The following ATP10B variants were observed in gnomAD, a reference collection of about 807,000 sequenced individuals.
ATP10B encodes the protein phospholipid-transporting ATPase VB.
A neutral mutation model predicts 141.2 loss-of-function variants in ATP10B; 122 were observed. The ratio of observed to expected loss-of-function variants is 0.86; its 90% CI spans 0.75 to 1.00. The LOEUF (loss-of-function observed/expected upper bound fraction) is 1.00, where lower values mean the gene tolerates loss of function less well. Among genes scored for constraint, ATP10B ranks in the 50% least tolerant of loss-of-function variants. ATP10B has a pLI of 0.00. For synonymous variants in ATP10B, 685 were observed against 692.0 expected, an observed-to-expected ratio of 0.99 and a Z score of 0.16; for missense variants, 1,876 against 1,825.3, an observed-to-expected ratio of 1.03 and a Z score of -0.51.
rs1294089207 is a variant in ATP10B, at chr5:160,822,989, CATATATATATACATATATATATAT to C, written c.-576+28928_-576+28951del. ...TGACTATAGTAAAAAATTACATATA[CATATATATATACATATATATATAT>C]ATATATATATATATATATATATAAA... On this transcript the variant is annotated intron_variant, in intron 1 of 25. Coordinates refer to ENST00000327245, the MANE Select transcript of ATP10B (RefSeq NM_025153.3). 4.5e-3 allele frequency among the ~76,000 whole-genome samples: 312 copies of C among 69,710 alleles called. 12 individuals are homozygous for C. Among genetic ancestry groups the C allele is most frequent in the South Asian group, 0.026 (58 of 2,230 alleles). 45.7% of individuals were successfully genotyped at this position (69,710 alleles called of 152,430 possible).
chr5:160,866,622 T>C, the ATP10B span, among the ~76,000 whole-genome samples: 7 of 152,066 alleles, frequency 4.6e-5, no homozygotes, highest in Non-Finnish European at 5.9e-5. Context: ...TGCAGTAAGC[T>C]GAGATCACAC....
chr5:160,631,152 T>G (rs1758907843), intron 13 of ATP10B, among the ~76,000 whole-genome samples: 1 of 152,202 alleles, frequency 6.6e-6, no homozygotes, highest in Non-Finnish European at 1.5e-5. Flanking sequence ...ATGGTAGCCC[T>G]TTGGGTCCCA....
At chr5:160,635,937 G>A (rs1196688956) in intron 11 of ATP10B, among the ~76,000 whole-genome samples, 1 of 152,144 alleles carries the variant, frequency 6.6e-6, no homozygotes, top group African/African-American at 2.4e-5. Context: ...AAATAGAAAA[G>A]CTAATAAATA....
At chr5:160,681,488 A>C (rs972131928) in intron 6 of ATP10B, among the ~76,000 whole-genome samples, 4 of 152,146 alleles carry the variant, frequency 2.6e-5, no homozygotes, top group African/African-American at 9.7e-5. Flanking sequence ...GATGAACTTC[A>C]AAAGAAGAAC....
chr5:160,605,817 C>T (rs1289787482), intron 19 of ATP10B, among the ~76,000 whole-genome samples: 1 of 152,100 alleles, frequency 6.6e-6, no homozygotes, highest in Non-Finnish European at 1.5e-5. Flanking sequence ...GGCAGGGGAT[C>T]CAAAAGTGAA....
At chr5:160,874,057 T>A in the ATP10B span, among the ~76,000 whole-genome samples, 3 of 152,130 alleles carry the variant, frequency 2.0e-5, no homozygotes, top group Admixed American at 1.3e-4. Flanking sequence ...CCTGCCTGCC[T>A]CTGTAGGCTC....
chr5:160,635,318 T>C (rs907482460), intron 11 of ATP10B, among the ~76,000 whole-genome samples: 3 of 151,358 alleles, frequency 2.0e-5, no homozygotes, highest in Non-Finnish European at 2.9e-5. Context: ...TGGGGAGTAA[T>C]AGGGAGCAGG....
intron 1 of ATP10B, among the ~76,000 whole-genome samples, chr5:160,807,550 A>G (rs897331705): frequency 2.6e-5 from 4 of 152,194 alleles, no homozygotes; most frequent in African/African-American, 9.6e-5. Flanking sequence ...TTATAAAGCT[A>G]TAATAATTAA....
intron 1 of ATP10B, among the ~76,000 whole-genome samples, chr5:160,803,846 T>G (rs886761698): frequency 9.2e-5 from 14 of 152,182 alleles, no homozygotes; most frequent in Admixed American, 2.0e-4. Flanking sequence ...TTCCCCATGA[T>G]TTATATTTGT....
chr5:160,808,732 G>A (rs1025889453), intron 1 of ATP10B, among the ~76,000 whole-genome samples: 4 of 152,090 alleles, frequency 2.6e-5, no homozygotes, highest in African/African-American at 9.7e-5. Context: ...ATCCTCCATT[G>A]TTCTCTAATA....
intron 1 of ATP10B, among the ~76,000 whole-genome samples, chr5:160,802,920 A>G (rs540546487): frequency 2.6e-5 from 4 of 152,294 alleles, no homozygotes; most frequent in African/African-American, 9.6e-5. Flanking sequence ...CATTCCAGAA[A>G]AAGGCAGGAG....
Position 160,716,916 on chromosome 5 carries a change from C to T in ATP10B, c.-212G>A, listed in dbSNP as rs1382899315. 1.3e-5 allele frequency: 13 copies of T among 985,248 alleles called. No homozygotes were observed. Among genetic ancestry groups the T allele is most frequent in the South Asian group, 9.4e-5 (2 of 21,286 alleles). 61.0% of individuals were successfully genotyped at this position (985,248 alleles called of 1,614,324 possible). On this transcript the variant is annotated 5_prime_UTR_variant, in exon 3 of 26. Coordinates refer to ENST00000327245, the MANE Select transcript of ATP10B (RefSeq NM_025153.3). ...GCAACGCAAAAGATATACCTGTTAG[C>T]GGAGTCCCTTTAAGGAGGTTAGACC...
rs533535990 is a variant in ATP10B at position 160,781,407 on chromosome 5, C to T, written c.-331+4152G>A. On this transcript the variant is annotated intron_variant, in intron 2 of 25. Transcript: ENST00000327245. Reference sequence around the variant, plus strand: ...TACGTCCAGGAGCCTGTGGTGTTGTCGGTTTGTGATGGGTACAGGGTGTTT... The same window carrying T: ...TACGTCCAGGAGCCTGTGGTGTTGTTGGTTTGTGATGGGTACAGGGTGTTT... Among the ~76,000 whole-genome samples the T allele has an allele frequency of 1.1e-4, 17 of 152,054 alleles. No homozygotes were observed. In the South Asian group the frequency reaches 1.9e-3, roughly 17 times the overall value.
chr5:160,785,443 TG>T (rs1410875289), intron 2 of ATP10B, 115 bp downstream of exon 2: 3 of 334,548 alleles, frequency 9.0e-6, no homozygotes, highest in East Asian at 8.3e-5. Context: ...TGTTTTGTTT[TG>T]TTTTTTTAAT....
At chr5:160,788,637 T>G (rs1771343487) in intron 1 of ATP10B, among the ~76,000 whole-genome samples, 1 of 152,182 alleles carries the variant, frequency 6.6e-6, no homozygotes, top group Non-Finnish European at 1.5e-5. Flanking sequence ...CTCCTTTCAA[T>G]AGAATGCCCT....
In ATP10B at chr5:160,703,445, T is replaced by A. The variant is rs1016601171; in HGVS notation, c.-205+13464A>T. Among the ~76,000 whole-genome samples, 7 of 151,542 alleles carry A rather than the reference T, an allele frequency of 4.6e-5. 1 individual carries two copies. Among genetic ancestry groups the A allele is most frequent in the Admixed American group, 2.6e-4 (4 of 15,192 alleles). On this transcript the variant is annotated intron_variant, in intron 3 of 25. Transcript: ENST00000327245. Reference sequence around the variant, plus strand: ...TGAGCTTATAAAAATAGTCATAATCTTTTTGCTGTTGGAGAGTTTTGTCTT... The same window carrying A: ...TGAGCTTATAAAAATAGTCATAATCATTTTGCTGTTGGAGAGTTTTGTCTT...
At chr5:160,726,625 G>A (rs1226349193) in intron 2 of ATP10B, among the ~76,000 whole-genome samples, 1 of 122,856 alleles carries the variant, frequency 8.1e-6, no homozygotes, top group African/African-American at 3.8e-5. Context: ...AGTTGAAAAG[G>A]GAAACAGAGA....
the ATP10B span, among the ~76,000 whole-genome samples, chr5:160,873,411 T>A: frequency 1.3e-5 from 2 of 152,132 alleles, no homozygotes; most frequent in African/African-American, 4.8e-5. Flanking sequence ...AAAGACAACA[T>A]AATAAAAGGT....
Position 160,617,727 on chromosome 5 carries a change from TG to T in ATP10B, c.2526+136del, listed in dbSNP as rs1274292180. 6.6e-6 allele frequency: 5 copies of T among 756,102 alleles called. No individual in the cohort carries two copies. In the African/African-American group the frequency reaches 8.8e-5, roughly 13 times the overall value. The allele number at this position is 756,102 out of a possible 1,614,324, so 46.8% of individuals were successfully genotyped here. A position where few individuals can be genotyped will look rare whatever the true frequency, so the allele number is the denominator to read the frequency against. On this transcript the variant is annotated intron_variant, in intron 16 of 25. Transcript: ENST00000327245. ...AAATTGTCAGTGTCTTGGGTTTTTG[TG>T]GCAAGTCAGAACAGCTAATCTTGAA...
Sources: allele counts gnomAD v4.1 joint callset (sites outside exome capture counted in the v4.1 genomes callset), GRCh38; gene constraint gnomAD v4.1.1; transcripts MANE v1.5; gene names NCBI Gene and HGNC (gene_info 2026-07-23, HGNC 2026-07-21).